The following PPM1L variants were observed in gnomAD, a reference collection of about 807,000 sequenced individuals.
The protein encoded by PPM1L is protein phosphatase 1L.
In PPM1L, 13 loss-of-function variants were observed where a neutral mutation model predicts 31.4. The ratio of observed to expected loss-of-function variants is 0.41; its 90% CI spans 0.27 to 0.66. The LOEUF is 0.66. Among genes scored for constraint, PPM1L ranks in the 30% least tolerant of loss-of-function variants. The pLI, the probability that PPM1L is intolerant of heterozygous loss-of-function variation, is 0.29. For synonymous variants in PPM1L, 184 were observed against 175.4 expected (o/e 1.05, Z -0.39); for missense variants, 326 against 453.7 (o/e 0.72, Z 2.56).
At chr3:161,000,227 A>C (rs936692965) in intron 2 of PPM1L, among the ~76,000 whole-genome samples, 2 of 152,188 alleles carry the variant, frequency 1.3e-5, no homozygotes, top group African/African-American at 4.8e-5. Flanking sequence ...TATAAATTTG[A>C]TAAGAGCTTA....
chr3:160,951,291 T>A (rs2108098336), intron 1 of PPM1L, among the ~76,000 whole-genome samples: 1 of 152,336 alleles, frequency 6.6e-6, no homozygotes, highest in South Asian at 2.1e-4. Flanking sequence ...CCTGAATCCC[T>A]TAACCTATCC....
intron 2 of PPM1L, among the ~76,000 whole-genome samples, chr3:161,057,654 A>G (rs1467418211): frequency 6.6e-6 from 1 of 152,094 alleles, no homozygotes; most frequent in East Asian, 1.9e-4. Flanking sequence ...TACAAAAAAG[A>G]CTTCCCTTGA....
intron 2 of PPM1L, among the ~76,000 whole-genome samples, chr3:161,017,101 A>G (rs947909900): frequency 3.9e-5 from 6 of 152,194 alleles, no homozygotes; most frequent in Non-Finnish European, 1.5e-5. Context: ...GTACTTAGAA[A>G]GTGTAACTGT....
intron 1 of PPM1L, among the ~76,000 whole-genome samples, chr3:160,920,609 T>TCA (rs1278287003): frequency 2.8e-4 from 14 of 49,254 alleles, no homozygotes; most frequent in Non-Finnish European, 6.1e-4. Context: ...TCTCTCTCTC[T>TCA]CTCTCTCACA....
chr3:160,997,402 C>G (rs1478577221), intron 2 of PPM1L, among the ~76,000 whole-genome samples: 1 of 152,094 alleles, frequency 6.6e-6, no homozygotes, highest in Non-Finnish European at 1.5e-5. Flanking sequence ...GATATCTATC[C>G]ACTGGAAATA....
chr3:161,015,595 G>C (rs1271539714), intron 2 of PPM1L, among the ~76,000 whole-genome samples: 1 of 152,204 alleles, frequency 6.6e-6, no homozygotes, highest in Non-Finnish European at 1.5e-5. Context: ...GCACACAGCC[G>C]AGATAGGTCT....
chr3:160,954,631 T>G (rs2108101160), intron 1 of PPM1L, among the ~76,000 whole-genome samples: 1 of 152,248 alleles, frequency 6.6e-6, no homozygotes, highest in East Asian at 1.9e-4. Flanking sequence ...CCCAAAATCC[T>G]AGGATTACGG....
intron 1 of PPM1L, among the ~76,000 whole-genome samples, chr3:160,814,597 ATGTATG>A (rs1712922212): frequency 1.5e-5 from 2 of 132,368 alleles, no homozygotes; most frequent in African/African-American, 3.2e-5. Flanking sequence ...ACACATATGT[ATGTATG>A]TGTATATATA....
rs1014319670 is a variant in PPM1L, at chr3:161,063,552, G to GT, written c.575-1842dup. On this transcript the variant is annotated intron_variant, in intron 2 of 3. Transcript: ENST00000498165. ...GTCTATTTAAGAATTCAGTGTTGTT[G>GT]TTTTTTTTTCTGTTGGTGGGAGTCT... Among the ~76,000 whole-genome samples the GT allele has an allele frequency of 4.3e-3, 642 of 150,430 alleles. 5 individuals carry two copies. Among genetic ancestry groups the GT allele is most frequent in the African/African-American group, 0.015 (600 of 41,004 alleles).
chr3:160,796,785 G>A (rs6768524), intron 1 of PPM1L, among the ~76,000 whole-genome samples: 16,293 of 152,192 alleles, frequency 0.11, 1,437 homozygotes, highest in African/African-American at 0.24. Flanking sequence ...TAGGGTAAGA[G>A]TATGGAATAA....
At chr3:160,950,974 C>G (rs1388266682) in intron 1 of PPM1L, among the ~76,000 whole-genome samples, 1 of 152,156 alleles carries the variant, frequency 6.6e-6, no homozygotes, top group Non-Finnish European at 1.5e-5. Context: ...CAGTAATTAA[C>G]CATAATTTTC....
At chr3:160,979,504 C>T (rs1716723932) in intron 2 of PPM1L, among the ~76,000 whole-genome samples, 1 of 152,038 alleles carries the variant, frequency 6.6e-6, no homozygotes, top group South Asian at 2.1e-4. Flanking sequence ...TGGACAGTGG[C>T]CCCAGCCAGG....
chr3:160,771,715 GT>G lies in PPM1L; in HGVS notation c.399+15012del, dbSNP rs577108953. ...CATTCCGATTATATTTTTGTAGTCA[GT>G]TTTAGGAAGATAATTGTAATGCCAT... On this transcript the variant is annotated intron_variant, in intron 1 of 3. Transcript: ENST00000498165. 4.6e-3 allele frequency among the ~76,000 whole-genome samples: 698 copies of G among 152,072 alleles called. 5 individuals carry two copies. The highest frequency in any genetic ancestry group is 0.016 in the African/African-American group (674 of 41,528).
chr3:160,916,489 G>A lies in PPM1L; in HGVS notation c.400-45247G>A, dbSNP rs919315901. 3.3e-5 allele frequency among the ~76,000 whole-genome samples: 5 copies of A among 152,210 alleles called. No individual in the cohort carries two copies. In the East Asian group the frequency reaches 9.6e-4, roughly 29 times the overall value. Reference sequence around the variant, plus strand: ...CTAGATGCTAAAATGTAACACATCTGCTATGATATAGCTCATTTGAGGATA... The same window carrying A: ...CTAGATGCTAAAATGTAACACATCTACTATGATATAGCTCATTTGAGGATA... On this transcript the variant is annotated intron_variant, in intron 1 of 3. Transcript: ENST00000498165.
At chr3:160,854,765 T>G (rs1259418233) in intron 1 of PPM1L, among the ~76,000 whole-genome samples, 1 of 151,876 alleles carries the variant, frequency 6.6e-6, no homozygotes, top group Non-Finnish European at 1.5e-5. Context: ...ACCAGTATTG[T>G]TAAAATGGCC....
intron 1 of PPM1L, among the ~76,000 whole-genome samples, chr3:160,944,709 T>A (rs1715266716): frequency 7.7e-6 from 1 of 129,916 alleles, no homozygotes; most frequent in African/African-American, 2.7e-5. Context: ...ATTTTATATA[T>A]AATATATATG....
intron 1 of PPM1L, among the ~76,000 whole-genome samples, chr3:160,777,384 C>A (rs1711593209): frequency 6.6e-6 from 1 of 152,078 alleles, no homozygotes. Context: ...AATCATGTAA[C>A]AAAATTTATC....
At chr3:160,819,340 G>A (rs4679915) in intron 1 of PPM1L, among the ~76,000 whole-genome samples, 1 of 151,916 alleles carries the variant, frequency 6.6e-6, no homozygotes, top group Admixed American at 6.6e-5. Context: ...ACTTGATGGA[G>A]GTCTAGACTC....
At chr3:161,025,886 T>C (rs1298484802) in intron 2 of PPM1L, among the ~76,000 whole-genome samples, 3 of 152,322 alleles carry the variant, frequency 2.0e-5, no homozygotes, top group African/African-American at 7.2e-5. Flanking sequence ...CCATGTATTT[T>C]CTTATAATAA....
Sources: gnomAD v4.1 joint callset for allele counts (sites outside exome capture counted in the v4.1 genomes callset) on GRCh38, gnomAD v4.1.1 for gene constraint, MANE v1.5 for transcripts, NCBI Gene and HGNC (gene_info 2026-07-23, HGNC 2026-07-21) for gene names.